NDST4: variants seen among roughly 807,000 people sequenced by gnomAD.
The protein encoded by NDST4 is N-deacetylase and N-sulfotransferase 4.
In NDST4, 63 loss-of-function variants were observed where a neutral mutation model predicts 100.8. The ratio of observed to expected loss-of-function variants is 0.62; its 90% CI spans 0.51 to 0.77. NDST4 has a LOEUF of 0.77. Ranked by LOEUF, NDST4 falls within the 30% of genes least tolerant of loss-of-function variation. The pLI, the probability that NDST4 is intolerant of heterozygous loss-of-function variation, is 0.00. For missense variants in NDST4, 943 were observed against 1,018.4 expected (o/e 0.93, Z 1.01); for synonymous variants, 377 against 361.8 (o/e 1.04, Z -0.48).
chr4:115,046,415 G>C (rs1238846645), intron 2 of NDST4, among the ~76,000 whole-genome samples: 1 of 152,128 alleles, frequency 6.6e-6, no homozygotes, highest in East Asian at 1.9e-4. Context: ...ATTCATGGCA[G>C]TCTTTCTGTC....
At chr4:115,031,373 C>T (rs933646908) in intron 2 of NDST4, among the ~76,000 whole-genome samples, 3 of 152,084 alleles carry the variant, frequency 2.0e-5, no homozygotes, top group South Asian at 2.1e-4. Context: ...GATCAATTCA[C>T]TGCTTGAGTG....
chr4:114,922,499 A>G (rs1725309581), intron 6 of NDST4, among the ~76,000 whole-genome samples: 3 of 152,170 alleles, frequency 2.0e-5, no homozygotes, highest in Admixed American at 2.0e-4. Context: ...CAAACTGTGC[A>G]CTGATCTCTA....
intron 2 of NDST4, among the ~76,000 whole-genome samples, chr4:115,068,554 A>T (rs940903550): frequency 6.6e-6 from 1 of 152,070 alleles, no homozygotes; most frequent in African/African-American, 2.4e-5. Context: ...CATGCCTGTA[A>T]ACCCAGCACT....
At chr4:114,936,970 T>C (rs538853908) in intron 5 of NDST4, among the ~76,000 whole-genome samples, 1 of 152,276 alleles carries the variant, frequency 6.6e-6, no homozygotes, top group East Asian at 1.9e-4. Context: ...CCTGTAAAAC[T>C]CTCAGTAAAA....
chr4:114,848,129 G>T, intron 9 of NDST4, 86 bp downstream of exon 9: 1 of 1,105,802 alleles, frequency 9.0e-7, no homozygotes, highest in Non-Finnish European at 1.3e-6. Context: ...CTGTAATTAT[G>T]CAGATGCCAC....
Position 114,896,005 on chromosome 4 carries a change from T to G in NDST4, c.1537-25055A>C, listed in dbSNP as rs189895096. Reference sequence around the variant, plus strand: ...ACAGATTTGCCTTAAGAATAAAGTATCTTGTATTTAAAACCTAAATAAAGC... The same window carrying G: ...ACAGATTTGCCTTAAGAATAAAGTAGCTTGTATTTAAAACCTAAATAAAGC... On this transcript the variant is annotated intron_variant, in intron 6 of 13. Coordinates refer to ENST00000264363, the MANE Select transcript of NDST4 (RefSeq NM_022569.3). 1.0e-3 allele frequency among the ~76,000 whole-genome samples: 149 copies of G among 147,692 alleles called. 2 individuals carry two copies. The highest frequency in any genetic ancestry group is 7.0e-3 in the Middle Eastern group (2 of 286).
At chr4:115,078,856 G>A (rs7657463) in intron 1 of NDST4, among the ~76,000 whole-genome samples, 1,830 of 151,030 alleles carry the variant, frequency 0.012, 34 homozygotes, top group African/African-American at 0.041. Context: ...ACCAACCCCC[G>A]CCCAAAAAAA....
chr4:114,930,521 A>AT lies in NDST4; in HGVS notation c.1536+4684dup, dbSNP rs199761122. On this transcript the variant is annotated intron_variant, in intron 6 of 13. Coordinates refer to ENST00000264363, the MANE Select transcript of NDST4 (RefSeq NM_022569.3). Reference sequence around the variant, plus strand: ...TTTCATACAATGTGAGTTTTTATTTATTTTTTTAGGAATTGAAAATAGTGT... The same window carrying AT: ...TTTCATACAATGTGAGTTTTTATTTATTTTTTTTAGGAATTGAAAATAGTGT... Among the ~76,000 whole-genome samples the AT allele has an allele frequency of 7.1e-3, 1,074 of 152,152 alleles. 6 individuals carry two copies. The highest frequency in any genetic ancestry group is 0.024 in the African/African-American group (978 of 41,514).
chr4:114,929,941 C>T (rs1725478120), intron 6 of NDST4, among the ~76,000 whole-genome samples: 1 of 152,010 alleles, frequency 6.6e-6, no homozygotes, highest in African/African-American at 2.4e-5. Flanking sequence ...GGTCAGTGTT[C>T]TGAAAATTAT....
chr4:114,993,819 A>G (rs2126252813), intron 2 of NDST4, among the ~76,000 whole-genome samples: 1 of 152,068 alleles, frequency 6.6e-6, no homozygotes, highest in East Asian at 1.9e-4. Context: ...CTCAGGATGC[A>G]AAATAAAATT....
Position 115,076,533 on chromosome 4 carries a change from A to G in NDST4, c.504T>C (p.Asn168=). 3.1e-6 allele frequency: 5 copies of G among 1,613,954 alleles called. No homozygotes were observed. Among genetic ancestry groups the G allele is most frequent in the Non-Finnish European group, 4.2e-6 (5 of 1,179,914 alleles). The change falls in exon 2 of 14, where the codon AAT becomes AAC. Residue 168 remains asparagine (N), a synonymous_variant. Coordinates refer to ENST00000264363, the MANE Select transcript of NDST4 (RefSeq NM_022569.3). ...SVSIIGFHKA[N]ENSLPSTQLK... ...ATTGTGTACTTGGTAAGCTGTTCTC[A>G]TTGGCTTTATGAAAACCGATTATAC...
intron 2 of NDST4, among the ~76,000 whole-genome samples, chr4:115,068,389 A>G (rs1353808428): frequency 1.3e-5 from 2 of 152,182 alleles, no homozygotes; most frequent in African/African-American, 2.4e-5. Flanking sequence ...ATAGCCTGCT[A>G]GCTTTGGACT....
chr4:114,955,929 C>T (rs941486598), intron 4 of NDST4: 4 of 152,160 alleles, frequency 2.6e-5, no homozygotes, highest in Non-Finnish European at 4.4e-5. Context: ...TATGATTTCT[C>T]CTTGGAAATG....
rs199780562 is a variant in NDST4 at position 115,077,074 on chromosome 4, C to A, written c.-38G>T. 29 of 1,541,648 alleles carry A rather than the reference C, an allele frequency of 1.9e-5. No homozygotes were observed. The Middle Eastern group carries it at 6.5e-4, about 35-fold the overall frequency. ...TGTTTTGGAAGCTTTTTCCCAATTT[C>A]GTTTCCTAAAGTGCCATAGTGAATA... On this transcript the variant is annotated 5_prime_UTR_variant, in exon 2 of 14. Coordinates refer to ENST00000264363, the MANE Select transcript of NDST4 (RefSeq NM_022569.3).
chr4:115,078,755 G>A lies in NDST4; in HGVS notation c.-246-1473C>T, dbSNP rs1446294951. On this transcript the variant is annotated intron_variant, in intron 1 of 13. Coordinates refer to ENST00000264363, the MANE Select transcript of NDST4 (RefSeq NM_022569.3). Reference sequence around the variant, plus strand: ...ACTCAGGAGGCTGAGACAGAGAATTGCTTGAACCCGGGAGGCGGAAGATGC... The same window carrying A: ...ACTCAGGAGGCTGAGACAGAGAATTACTTGAACCCGGGAGGCGGAAGATGC... Among the ~76,000 whole-genome samples the A allele has an allele frequency of 2.0e-5, 3 of 151,932 alleles. No homozygotes were observed. The South Asian group carries it at 6.2e-4, about 32-fold the overall frequency.
chr4:114,937,188 G>T (rs1211349027), intron 5 of NDST4, 130 bp downstream of exon 5: 27 of 925,060 alleles, frequency 2.9e-5, no homozygotes, highest in Non-Finnish European at 4.3e-5. Context: ...TCACCATTGA[G>T]ATATGTTAGG....
chr4:115,079,545 C>T (rs77280897), intron 1 of NDST4, among the ~76,000 whole-genome samples: 8 of 152,156 alleles, frequency 5.3e-5, no homozygotes, highest in Non-Finnish European at 1.0e-4. Context: ...TCCCAGTTTG[C>T]CAAACTTTCC....
Position 114,966,848 on chromosome 4 carries a change from T to G in NDST4, c.1221+3582A>C, listed in dbSNP as rs999139674. On this transcript the variant is annotated intron_variant, in intron 4 of 13. Coordinates refer to ENST00000264363, the MANE Select transcript of NDST4 (RefSeq NM_022569.3). ...AGTAGCATTATCTGGTCCAGTGCCT[T>G]TGGTTGGCAAATGAGTTGATGTAAA... Among the ~76,000 whole-genome samples, 2 of 152,120 alleles carry G rather than the reference T, an allele frequency of 1.3e-5. 1 individual carries two copies. Among genetic ancestry groups the G allele is most frequent in the Non-Finnish European group, 2.9e-5 (2 of 67,966 alleles).
At chr4:114,833,537 AC>A in intron 12 of NDST4, 68 bp downstream of exon 12, 1 of 980,504 alleles carries the variant, frequency 1.0e-6, no homozygotes, top group Middle Eastern at 2.1e-4. Context: ...GATGTTATAT[AC>A]ACACCTACCA....
Sources: allele counts gnomAD v4.1 joint callset (sites outside exome capture counted in the v4.1 genomes callset), GRCh38; gene constraint gnomAD v4.1.1; transcripts MANE v1.5; gene names NCBI Gene and HGNC (gene_info 2026-07-23, HGNC 2026-07-21).